The following TBC1D15 variants were observed in gnomAD, a reference collection of about 807,000 sequenced individuals.
The protein encoded by TBC1D15 is GAP for RAB7.
TBC1D15 carries 39 observed loss-of-function variants against 95.4 expected under a neutral mutation model. The observed-to-expected ratio is 0.41, with a 90% CI of 0.32 to 0.53. The LOEUF is 0.53. TBC1D15 is among the 20% of genes least tolerant of loss of function. The pLI is 0.29. For synonymous variants in TBC1D15, 258 were observed against 261.3 expected, an observed-to-expected ratio of 0.99 and a Z score of 0.12; for missense variants, 733 against 794.3, an observed-to-expected ratio of 0.92 and a Z score of 0.93.
chr12:71,862,459 G>T (rs1890593181), intron 1 of TBC1D15, among the ~76,000 whole-genome samples: 1 of 152,008 alleles, frequency 6.6e-6, no homozygotes, highest in Non-Finnish European at 1.5e-5. Flanking sequence ...TACAGTTTTT[G>T]ATTTTTAAGT....
At chr12:71,918,360 A>G (rs1904194436) in intron 13 of TBC1D15, 91 bp from the exon 14 acceptor site, 4 of 776,580 alleles carry the variant, frequency 5.2e-6, no homozygotes, top group Non-Finnish European at 8.3e-6. Context: ...TGAATTGCCT[A>G]AGATGCATAG....
intron 11 of TBC1D15, among the ~76,000 whole-genome samples, chr12:71,911,741 T>A (rs537046085): frequency 1.1e-4 from 16 of 151,916 alleles, no homozygotes; most frequent in African/African-American, 3.4e-4. Flanking sequence ...ACCTGCACAT[T>A]GTGCACATGT....
At chr12:71,876,783 G>A (rs974242257) in intron 3 of TBC1D15, among the ~76,000 whole-genome samples, 3 of 142,084 alleles carry the variant, frequency 2.1e-5, no homozygotes, top group Non-Finnish European at 3.1e-5. Flanking sequence ...AAATTTTCCC[G>A]TGGATTTTTT....
intron 1 of TBC1D15, among the ~76,000 whole-genome samples, chr12:71,845,411 G>A (rs1399424436): frequency 6.6e-6 from 1 of 152,196 alleles, no homozygotes; most frequent in East Asian, 1.9e-4. Flanking sequence ...GAGAAGGTTC[G>A]AGGGACTTAG....
intron 5 of TBC1D15, among the ~76,000 whole-genome samples, chr12:71,889,633 TTTTTG>T (rs1896872349): frequency 6.6e-6 from 1 of 152,196 alleles, no homozygotes; most frequent in East Asian, 1.9e-4. Context: ...GTCAGATTCT[TTTTTG>T]TTTTAACTTT....
intron 1 of TBC1D15, among the ~76,000 whole-genome samples, chr12:71,852,309 AC>A (rs2137958866): frequency 6.6e-6 from 1 of 152,252 alleles, no homozygotes; most frequent in African/African-American, 2.4e-5. Flanking sequence ...GGCCAAGGAA[AC>A]CATTTTTCCC....
chr12:71,895,926 AT>A lies in TBC1D15; in HGVS notation c.856-19del. On this transcript the variant is annotated intron_variant, in intron 7 of 16. Coordinates refer to ENST00000485960, the MANE Select transcript of TBC1D15 (RefSeq NM_001146213.3). ...TTCACTGGTTAAATATGTACTTATT[AT>A]TGCTTAATCTTATTTTTAGATTGAT... is the stretch of plus-strand genomic sequence containing the variant. The A allele has an allele frequency of 6.2e-7, 1 of 1,607,262 alleles. No homozygotes were observed. Among genetic ancestry groups the A allele is most frequent in the Non-Finnish European group, 8.5e-7 (1 of 1,176,518 alleles).
chr12:71,850,367 G>A, intron 1 of TBC1D15: 1 of 332,010 alleles, frequency 3.0e-6, no homozygotes, highest in South Asian at 2.7e-5. Flanking sequence ...TGTGGAGCCG[G>A]CGGGGTTCGC....
intron 1 of TBC1D15, among the ~76,000 whole-genome samples, chr12:71,841,696 A>G (rs1055631780): frequency 5.3e-5 from 8 of 152,074 alleles, no homozygotes; most frequent in Admixed American, 2.0e-4. Context: ...GTCTGCTTCT[A>G]TTCTTGATTT....
chr12:71,859,766 CCCAGCTG>C (rs1168311344), intron 1 of TBC1D15, among the ~76,000 whole-genome samples: 1 of 152,074 alleles, frequency 6.6e-6, no homozygotes, highest in African/African-American at 2.4e-5. Context: ...TACCACCATG[CCCAGCTG>C]ATTTCTTTTG....
chr12:71,844,278 A>G (rs986310699), intron 1 of TBC1D15, among the ~76,000 whole-genome samples: 2 of 152,204 alleles, frequency 1.3e-5, no homozygotes, highest in Non-Finnish European at 2.9e-5. Flanking sequence ...TCTTCAGGAT[A>G]AATTTCAAAC....
chr12:71,913,257 A>T (rs905561729), intron 11 of TBC1D15: 1 of 152,210 alleles, frequency 6.6e-6, no homozygotes, highest in Non-Finnish European at 1.5e-5. Context: ...AGAGGCTCTT[A>T]ATTTTGTAAC....
rs528933064 is a variant in TBC1D15, at chr12:71,923,467, G to C, written c.*263G>C. ...ATTTTATTTTCTTGCTGATGAACTGGAATTGGATAAATATTGCAAGTGGAT... is the reference window on the plus strand; with the variant it reads ...ATTTTATTTTCTTGCTGATGAACTGCAATTGGATAAATATTGCAAGTGGAT... On this transcript the variant is annotated 3_prime_UTR_variant, in exon 17 of 17. Transcript: ENST00000485960. 2.8e-6 allele frequency: 1 copy of C among 356,256 alleles called. No homozygotes were observed. Among genetic ancestry groups the C allele is most frequent in the African/African-American group, 2.1e-5 (1 of 48,076 alleles). 22.1% of individuals were successfully genotyped at this position (356,256 alleles called of 1,614,324 possible).
At chr12:71,896,955 T>C (rs574267828) in intron 9 of TBC1D15, among the ~76,000 whole-genome samples, 175 bp downstream of exon 9, 1 of 152,278 alleles carries the variant, frequency 6.6e-6, no homozygotes, top group South Asian at 2.1e-4. Context: ...ATCAGAAACT[T>C]ACTAGAAGCA....
intron 1 of TBC1D15, among the ~76,000 whole-genome samples, chr12:71,862,827 C>T (rs1361757679): frequency 6.6e-6 from 1 of 152,068 alleles, no homozygotes; most frequent in African/African-American, 2.4e-5. Context: ...GAGTTTTATA[C>T]TTTTGTATGT....
At chr12:71,898,407 C>G (rs1218989213) in intron 10 of TBC1D15, among the ~76,000 whole-genome samples, 1 of 151,922 alleles carries the variant, frequency 6.6e-6, no homozygotes, top group Non-Finnish European at 1.5e-5. Context: ...ACATATATTT[C>G]ATTTTTAAAA....
At chr12:71,861,775 C>A (rs1890426833) in intron 1 of TBC1D15, among the ~76,000 whole-genome samples, 1 of 147,690 alleles carries the variant, frequency 6.8e-6, no homozygotes, top group South Asian at 2.2e-4. Context: ...ATGCATTGTT[C>A]AGTTGTTTAT....
At chr12:71,874,424 G>A (rs12580478) in intron 3 of TBC1D15, among the ~76,000 whole-genome samples, 13,133 of 151,998 alleles carry the variant, frequency 0.086, 647 homozygotes, top group South Asian at 0.15. Flanking sequence ...GGTTCTATTT[G>A]ATGTAGCATA....
chr12:71,908,375 G>T (rs1264914343), intron 11 of TBC1D15, among the ~76,000 whole-genome samples: 1 of 152,116 alleles, frequency 6.6e-6, no homozygotes, highest in Non-Finnish European at 1.5e-5. Context: ...TGCTATGTGA[G>T]TGGCTTCTAG....
Sources: gnomAD v4.1 joint callset for allele counts (sites outside exome capture counted in the v4.1 genomes callset) on GRCh38, gnomAD v4.1.1 for gene constraint, MANE v1.5 for transcripts, NCBI Gene and HGNC (gene_info 2026-07-23, HGNC 2026-07-21) for gene names.